Variants in BLVRA observed in about 807,000 individuals in gnomAD.
BLVRA encodes the protein biliverdin reductase A.
BLVRA carries 22 observed loss-of-function variants against 32.8 expected under a neutral mutation model. That is an observed-to-expected ratio of 0.67 (90% CI 0.48 to 0.96). The LOEUF (loss-of-function observed/expected upper bound fraction) is 0.96. Ranked by LOEUF, BLVRA falls within the 40% of genes least tolerant of loss-of-function variation. The pLI, the probability that BLVRA is intolerant of heterozygous loss-of-function variation, is 0.00. For missense variants in BLVRA, 323 were observed against 358.1 expected (o/e 0.90, Z 0.79); for synonymous variants, 119 against 141.3 (o/e 0.84, Z 1.12).
rs201845944 is a variant in BLVRA at position 43,791,174 on chromosome 7, G to A, written c.135-75G>A. 907 of 1,602,588 alleles carry A rather than the reference G, an allele frequency of 5.7e-4. 1 individual carries two copies. Among genetic ancestry groups the A allele is most frequent in the Middle Eastern group, 2.7e-3 (13 of 4,884 alleles). On this transcript the variant is annotated intron_variant, in intron 3 of 7. Transcript: ENST00000265523. ...TGGCAGCAGATCACCAGGACCTGTCGGGAGGAGGGGAGAAGGATGGTGCTC... is the reference window on the plus strand; with the variant it reads ...TGGCAGCAGATCACCAGGACCTGTCAGGAGGAGGGGAGAAGGATGGTGCTC...
At chr7:43,768,627 A>G (rs1272299955) in intron 1 of BLVRA, among the ~76,000 whole-genome samples, 1 of 151,892 alleles carries the variant, frequency 6.6e-6, no homozygotes, top group Non-Finnish European at 1.5e-5. Flanking sequence ...CATCCTCCTC[A>G]CATTTGGGTG....
At chr7:43,780,631 G>C (rs1042256273) in intron 2 of BLVRA, among the ~76,000 whole-genome samples, 1 of 152,054 alleles carries the variant, frequency 6.6e-6, no homozygotes, top group Non-Finnish European at 1.5e-5. Flanking sequence ...AGGGGGAAGA[G>C]ACCTCAGGCA....
chr7:43,779,762 C>T (rs2095766568), intron 2 of BLVRA, among the ~76,000 whole-genome samples: 1 of 152,208 alleles, frequency 6.6e-6, no homozygotes, highest in African/African-American at 2.4e-5. Context: ...TTCCATCAGT[C>T]ATCAGTGATC....
intron 1 of BLVRA, among the ~76,000 whole-genome samples, chr7:43,768,896 G>A (rs868521715): frequency 3.9e-5 from 6 of 151,948 alleles, no homozygotes; most frequent in South Asian, 4.2e-4. Flanking sequence ...CACCACCTGC[G>A]GGTCAGCTCT....
Position 43,788,014 on chromosome 7 carries a change from C to T in BLVRA, c.123C>T (p.Gly41=). The change falls in exon 3 of 8, where the codon GGC becomes GGT. Residue 41 remains glycine (G), a synonymous_variant. Coordinates refer to ENST00000265523, the MANE Select transcript of BLVRA (RefSeq NM_000712.4). ...HPSSAFLNLI[G]FVSRRELGSI... ...CCTCAGCGTTCCTGAACCTGATTGG[C>T]TTCGTGTCGAGGTGGCTCACAATGT... 6.2e-7 allele frequency: 1 copy of T among 1,614,162 alleles called. No homozygotes were observed. The highest frequency in any genetic ancestry group is 8.5e-7 in the Non-Finnish European group (1 of 1,180,036).
At chr7:43,806,305 T>C (rs2095804022) in intron 7 of BLVRA, among the ~76,000 whole-genome samples, 1 of 151,416 alleles carries the variant, frequency 6.6e-6, no homozygotes, top group Non-Finnish European at 1.5e-5. Flanking sequence ...AGAGCAAACA[T>C]CTCAAAAAAA....
chr7:43,779,175 C>T (rs1234430390), intron 2 of BLVRA, among the ~76,000 whole-genome samples: 2 of 152,232 alleles, frequency 1.3e-5, no homozygotes, highest in African/African-American at 4.8e-5. Context: ...CTGGCACTCC[C>T]TAGTGAGGTG....
At chr7:43,796,133 A>AAAAGAAAG (rs1554584740) in intron 5 of BLVRA, among the ~76,000 whole-genome samples, 3 of 151,274 alleles carry the variant, frequency 2.0e-5, no homozygotes, top group African/African-American at 7.3e-5. Flanking sequence ...AAAAAAAAAA[A>AAAAGAAAG]AAAAGAAAAG....
intron 2 of BLVRA, among the ~76,000 whole-genome samples, chr7:43,775,215 G>C (rs929795952): frequency 6.6e-6 from 1 of 152,088 alleles, no homozygotes; most frequent in African/African-American, 2.4e-5. Flanking sequence ...CCTGTCTTGT[G>C]CCAGTTTTCA....
At chr7:43,805,726 A>G (rs1351888470) in intron 7 of BLVRA, among the ~76,000 whole-genome samples, 31 of 152,008 alleles carry the variant, frequency 2.0e-4, no homozygotes, top group Admixed American at 2.0e-3. Context: ...TTATCTATTT[A>G]TTTATTTATT....
At position 43,788,014 on chromosome 7, in the gene BLVRA, CT is replaced by C. The variant is rs1236434474; in HGVS notation, c.125del (p.Phe42SerfsTer59). 6.2e-7 allele frequency: 1 copy of C among 1,614,162 alleles called. No homozygotes were observed. Among genetic ancestry groups the C allele is most frequent in the Non-Finnish European group, 8.5e-7 (1 of 1,180,036 alleles). On this transcript the variant is annotated frameshift_variant, in exon 3 of 8. Transcript: ENST00000265523. LOFTEE classifies it high-confidence loss of function. ...CCTCAGCGTTCCTGAACCTGATTGG[CT>C]TCGTGTCGAGGTGGCTCACAATGTC... is the stretch of plus-strand genomic sequence containing the variant. ...PSSAFLNLIG[F>X]VSRRELGSID...
chr7:43,796,636 G>A (rs1451689022), intron 5 of BLVRA, among the ~76,000 whole-genome samples: 1 of 152,132 alleles, frequency 6.6e-6, no homozygotes, highest in Non-Finnish European at 1.5e-5. Context: ...TCAAGATATT[G>A]GATTTGGCAA....
chr7:43,806,906 G>A, intron 7 of BLVRA, 71 bp from the exon 8 acceptor site: 2 of 1,585,182 alleles, frequency 1.3e-6, no homozygotes, highest in Non-Finnish European at 1.7e-6. Flanking sequence ...CAGGCGGTCT[G>A]GTGCCAGCAA....
chr7:43,773,927 T>G (rs531917115), intron 2 of BLVRA, among the ~76,000 whole-genome samples: 337 of 152,354 alleles, frequency 2.2e-3, no homozygotes, highest in African/African-American at 7.4e-3. Flanking sequence ...TTTGGCTACA[T>G]AAATGTCTTC....
At chr7:43,796,136 AAG>A (rs2095792620) in intron 5 of BLVRA, among the ~76,000 whole-genome samples, 1 of 150,550 alleles carries the variant, frequency 6.6e-6, no homozygotes. Flanking sequence ...AAAAAAAAAA[AAG>A]AAAAGAAAAG....
intron 1 of BLVRA, among the ~76,000 whole-genome samples, chr7:43,766,159 G>A (rs2095747585): frequency 6.6e-6 from 1 of 151,848 alleles, no homozygotes; most frequent in African/African-American, 2.4e-5. Flanking sequence ...GGTGGTAGGC[G>A]CCTGTAATCC....
intron 2 of BLVRA, among the ~76,000 whole-genome samples, chr7:43,778,921 A>C (rs2095765161): frequency 6.6e-6 from 1 of 152,256 alleles, no homozygotes; most frequent in South Asian, 2.1e-4. Flanking sequence ...CTGTGCTAGC[A>C]ATCAGCGAGA....
chr7:43,799,990 C>T (rs1467361109), intron 5 of BLVRA, among the ~76,000 whole-genome samples: 2 of 151,948 alleles, frequency 1.3e-5, no homozygotes, highest in East Asian at 3.9e-4. Context: ...GAGTCTCACT[C>T]TGTCGCCCAG....
chr7:43,794,962 G>A (rs1019458095), intron 5 of BLVRA, among the ~76,000 whole-genome samples: 1 of 152,140 alleles, frequency 6.6e-6, no homozygotes, highest in African/African-American at 2.4e-5. Flanking sequence ...TGTCATCCCA[G>A]CACTTTGGGA....
Sources: allele counts gnomAD v4.1 joint callset (sites outside exome capture counted in the v4.1 genomes callset), GRCh38; gene constraint gnomAD v4.1.1; transcripts MANE v1.5; gene names NCBI Gene and HGNC (gene_info 2026-07-23, HGNC 2026-07-21).